CD58: variants seen among roughly 807,000 people sequenced by gnomAD.
CD58 encodes the protein CD58 molecule.
In CD58, 14 loss-of-function variants were observed where a neutral mutation model predicts 27.6. The observed-to-expected ratio is 0.51, with a 90% CI of 0.34 to 0.79. The LOEUF is 0.79. Among genes scored for constraint, CD58 ranks in the 30% least tolerant of loss-of-function variants. The pLI is 0.02. For missense variants in CD58, 268 were observed against 301.7 expected, an observed-to-expected ratio of 0.89 and a Z score of 0.83; for synonymous variants, 117 against 103.8, an observed-to-expected ratio of 1.13 and a Z score of -0.77.
intron 1 of CD58, among the ~76,000 whole-genome samples, chr1:116,568,693 T>C (rs1037131688): frequency 6.6e-6 from 1 of 152,248 alleles, no homozygotes. Flanking sequence ...GCATGACTGA[T>C]GTTCCCAGTA....
intron 1 of CD58, among the ~76,000 whole-genome samples, chr1:116,568,896 C>T (rs1659032787): frequency 6.6e-6 from 1 of 152,234 alleles, no homozygotes; most frequent in Non-Finnish European, 1.5e-5. Context: ...TTTGCAGCTT[C>T]CCTAATGAGG....
chr1:116,559,741 T>G lies in CD58; in HGVS notation c.70+11162A>C, dbSNP rs1324515727. ...ATCAAGAATTAAGATGTTGGTTCTC[T>G]AAATCAACTTCTTTCTGTACTTTCC... is the stretch of plus-strand genomic sequence containing the variant. On this transcript the variant is annotated intron_variant, in intron 1 of 5. Coordinates refer to ENST00000369489, the MANE Select transcript of CD58 (RefSeq NM_001779.3). This position sits in a 1 kb window ranked among gnomAD's most constrained non-coding sequence, Gnocchi z 4.4. Among the ~76,000 whole-genome samples the G allele has an allele frequency of 6.6e-6, 1 of 152,238 alleles. No individual in the cohort carries two copies. The highest frequency in any genetic ancestry group is 1.5e-5 in the Non-Finnish European group (1 of 68,028).
At position 116,521,477 on chromosome 1, in the gene CD58, G is replaced by A. The variant is rs776579472; in HGVS notation, c.706+429C>T. Among the ~76,000 whole-genome samples the A allele has an allele frequency of 6.6e-6, 1 of 152,216 alleles. No homozygotes were observed. The highest frequency in any genetic ancestry group is 1.5e-5 in the Non-Finnish European group (1 of 68,034). Reference sequence around the variant, plus strand: ...GGAAGTAATACAAGCACAATTACTTGTATTACGTAAGTCACTTAACTCAAC... The same window carrying A: ...GGAAGTAATACAAGCACAATTACTTATATTACGTAAGTCACTTAACTCAAC... On this transcript the variant is annotated intron_variant, in intron 4 of 5. Coordinates refer to ENST00000369489, the MANE Select transcript of CD58 (RefSeq NM_001779.3). The surrounding 1 kb of genome is among the most constrained non-coding windows in gnomAD (Gnocchi z 5.6).
At chr1:116,551,265 T>A (rs888499261) in intron 1 of CD58, among the ~76,000 whole-genome samples, 1 of 152,234 alleles carries the variant, frequency 6.6e-6, no homozygotes, top group Admixed American at 6.5e-5. Context: ...TAGAAGGTTG[T>A]TTTGTCTACA....
intron 3 of CD58, chr1:116,533,756 C>G (rs1466673393): frequency 2.8e-6 from 2 of 710,096 alleles, no homozygotes; most frequent in Non-Finnish European, 5.2e-6. Context: ...GGTTCAACAT[C>G]ACCGGTGATA....
intron 1 of CD58, among the ~76,000 whole-genome samples, chr1:116,566,835 T>C (rs1280490082): frequency 6.6e-6 from 1 of 151,748 alleles, no homozygotes; most frequent in Admixed American, 6.6e-5. Flanking sequence ...AATAAATATA[T>C]ATATAGAGAG....
chr1:116,536,304 T>A lies in CD58; in HGVS notation c.365-76A>T. The A allele has an allele frequency of 9.3e-7, 1 of 1,078,414 alleles. No homozygotes were observed. Among genetic ancestry groups the A allele is most frequent in the Non-Finnish European group, 1.3e-6 (1 of 760,392 alleles). The allele number at this position is 1,078,414 out of a possible 1,614,324, so 66.8% of individuals were successfully genotyped here. ...TATCATCTGCAAATTTATGAAGAGCTCGCAACCTCCTTACAAGCTTGAAAG... is the reference window on the plus strand; with the variant it reads ...TATCATCTGCAAATTTATGAAGAGCACGCAACCTCCTTACAAGCTTGAAAG... On this transcript the variant is annotated intron_variant, in intron 2 of 5. Coordinates refer to ENST00000369489, the MANE Select transcript of CD58 (RefSeq NM_001779.3). The surrounding 1 kb of genome is among the most constrained non-coding windows in gnomAD (Gnocchi z 5.4).
rs1659104461 is a variant in CD58 at position 116,570,471 on chromosome 1, G to A, written c.70+432C>T. 6.6e-6 allele frequency among the ~76,000 whole-genome samples: 1 copy of A among 152,084 alleles called. No homozygotes were observed. The highest frequency in any genetic ancestry group is 1.5e-5 in the Non-Finnish European group (1 of 67,994). On this transcript the variant is annotated intron_variant, in intron 1 of 5. Coordinates refer to ENST00000369489, the MANE Select transcript of CD58 (RefSeq NM_001779.3). The surrounding 1 kb of genome is among the most constrained non-coding windows in gnomAD (Gnocchi z 6.4). ...ACGGCACCGCGCGGGGAGGGCAGCA[G>A]GCGTCGCCCTCGAGCAGGTGGCATC... is the stretch of plus-strand genomic sequence containing the variant.
At chr1:116,562,481 C>T (rs1658787304) in intron 1 of CD58, among the ~76,000 whole-genome samples, 1 of 152,150 alleles carries the variant, frequency 6.6e-6, no homozygotes. Flanking sequence ...CACCACCACA[C>T]CTGGCTAACT....
rs1167010039 is a variant in CD58 at position 116,515,577 on chromosome 1, A to G, written c.744-755T>C. Among the ~76,000 whole-genome samples the G allele has an allele frequency of 2.0e-5, 3 of 152,178 alleles. No individual in the cohort carries two copies. ...GGAAATGTTTGTAAACCAGGTTGGC[A>G]GGCACAGGATTCTTGTTGGGGCAGC... On this transcript the variant is annotated intron_variant, in intron 5 of 5. Coordinates refer to ENST00000369489, the MANE Select transcript of CD58 (RefSeq NM_001779.3). This position sits in a 1 kb window ranked among gnomAD's most constrained non-coding sequence, Gnocchi z 4.6.
Position 116,561,366 on chromosome 1 carries a change from G to A in CD58, c.70+9537C>T, listed in dbSNP as rs549125800. Among the ~76,000 whole-genome samples the A allele has an allele frequency of 6.6e-5, 10 of 152,302 alleles. No homozygotes were observed. In the South Asian group the frequency reaches 1.7e-3, roughly 25 times the overall value. Reference sequence around the variant, plus strand: ...TGAATACGGGTAAAAGTTAGGTGATGTTACAGGATTAGTGTTAATATTTAT... The same window carrying A: ...TGAATACGGGTAAAAGTTAGGTGATATTACAGGATTAGTGTTAATATTTAT... On this transcript the variant is annotated intron_variant, in intron 1 of 5. Coordinates refer to ENST00000369489, the MANE Select transcript of CD58 (RefSeq NM_001779.3).
At chr1:116,564,856 G>A (rs191888164) in intron 1 of CD58, among the ~76,000 whole-genome samples, 4 of 152,138 alleles carry the variant, frequency 2.6e-5, no homozygotes, top group Non-Finnish European at 5.9e-5. Context: ...GGGCTCAAAA[G>A]ATCTGCCCAC....
In CD58 at chr1:116,515,650, C is replaced by A. The variant is rs2101149029; in HGVS notation, c.744-828G>T. Among the ~76,000 whole-genome samples the A allele has an allele frequency of 6.6e-6, 1 of 152,256 alleles. No homozygotes were observed. Among genetic ancestry groups the A allele is most frequent in the East Asian group, 1.9e-4 (1 of 5,184 alleles). ...TGCCCTCTCCCAGCAGTCTCCTCACCCACTACAAGGAATCAAGCCTGCTTC... is the reference window on the plus strand; with the variant it reads ...TGCCCTCTCCCAGCAGTCTCCTCACACACTACAAGGAATCAAGCCTGCTTC... On this transcript the variant is annotated intron_variant, in intron 5 of 5. Transcript: ENST00000369489. This position sits in a 1 kb window ranked among gnomAD's most constrained non-coding sequence, Gnocchi z 4.6.
Position 116,547,066 on chromosome 1 carries a change from G to GTT in CD58, c.71-2464_71-2463dup, listed in dbSNP as rs61478445. Among the ~76,000 whole-genome samples the GTT allele has an allele frequency of 7.6e-4, 104 of 137,214 alleles. No homozygotes were observed. In the South Asian group the frequency reaches 0.014, roughly 18 times the overall value. 90.0% of individuals were successfully genotyped at this position (137,214 alleles called of 152,430 possible). A position where few individuals can be genotyped will look rare whatever the true frequency, so the allele number is the denominator to read the frequency against. ...AGGTGATGTTTGGTTACATGGATAA[G>GTT]TTTTTTTTTTTTTTTTAGTTATTTG... On this transcript the variant is annotated intron_variant, in intron 1 of 5. Coordinates refer to ENST00000369489, the MANE Select transcript of CD58 (RefSeq NM_001779.3).
chr1:116,527,228 GAGA>G lies in CD58; in HGVS notation c.629-5248_629-5246del, dbSNP rs1463934090. Among the ~76,000 whole-genome samples, 3 of 152,200 alleles carry G rather than the reference GAGA, an allele frequency of 2.0e-5. No homozygotes were observed. On this transcript the variant is annotated intron_variant, in intron 3 of 5. Transcript: ENST00000369489. This position sits in a 1 kb window ranked among gnomAD's most constrained non-coding sequence, Gnocchi z 4.4. ...TAGTACAATACTGAAAAGGAGTGGT[GAGA>G]AGAACATTATTTCCTTATTCTTGGT...
In CD58 at chr1:116,521,910, C is replaced by T. The variant is rs746791469; in HGVS notation, c.702G>A (p.Met234Ile). Residue 234 changes from methionine (M) to isoleucine (I), a missense_variant, in exon 4 of 6, where the codon ATG becomes ATA. By Grantham distance (10) the Met-to-Ile change is conservative. Coordinates refer to ENST00000369489, the MANE Select transcript of CD58 (RefSeq NM_001779.3). This position sits in a 1 kb window ranked among gnomAD's most constrained non-coding sequence, Gnocchi z 5.6. ...AVITTCIVLY[M>I]NGILKCDRKP... Reference sequence around the variant, plus strand: ...TGTTTTAAAAAGCATACATACCATTCATATACAGCACAATACATGTTGTAA... The same window carrying T: ...TGTTTTAAAAAGCATACATACCATTTATATACAGCACAATACATGTTGTAA... 5 of 1,514,180 alleles carry T rather than the reference C, an allele frequency of 3.3e-6. No homozygotes were observed. Among genetic ancestry groups the T allele is most frequent in the Non-Finnish European group, 4.6e-6 (5 of 1,092,004 alleles). 93.8% of individuals were successfully genotyped at this position (1,514,180 alleles called of 1,614,324 possible). A position where few individuals can be genotyped will look rare whatever the true frequency, so the allele number is the denominator to read the frequency against.
intron 3 of CD58, among the ~76,000 whole-genome samples, chr1:116,529,869 A>G (rs985111765): frequency 2.0e-5 from 3 of 152,212 alleles, no homozygotes; most frequent in Admixed American, 1.3e-4. Context: ...GGTTGCAGTG[A>G]CGGTATGACA....
rs1382091801 is a variant in CD58 at position 116,563,435 on chromosome 1, G to T, written c.70+7468C>A. ...CTCCACTAGGCGGTGCCCCAGTGGG[G>T]ACTCTGTGTGGGGGCTCCAACTCCA... On this transcript the variant is annotated intron_variant, in intron 1 of 5. Transcript: ENST00000369489. This position sits in a 1 kb window ranked among gnomAD's most constrained non-coding sequence, Gnocchi z 4.1. Among the ~76,000 whole-genome samples the T allele has an allele frequency of 6.6e-6, 1 of 152,128 alleles. No homozygotes were observed. The highest frequency in any genetic ancestry group is 1.9e-4 in the East Asian group (1 of 5,182).
chr1:116,551,693 A>C (rs1039654396), intron 1 of CD58, among the ~76,000 whole-genome samples: 8 of 149,554 alleles, frequency 5.3e-5, no homozygotes, highest in Admixed American at 5.3e-4. Flanking sequence ...TTGGCATAAA[A>C]GGCCTAGTTT....
Sources: gnomAD v4.1 joint callset for allele counts (sites outside exome capture counted in the v4.1 genomes callset) on GRCh38, gnomAD v4.1.1 for gene constraint, Gnocchi (gnomAD v3.1) non-coding constraint, MANE v1.5 for transcripts, NCBI Gene and HGNC (gene_info 2026-07-23, HGNC 2026-07-21) for gene names.